Variants in TLN2 observed in about 807,000 individuals in gnomAD.
TLN2 encodes talin-2.
A neutral mutation model predicts 294.7 loss-of-function variants in TLN2; 118 were observed. The ratio of observed to expected loss-of-function variants is 0.40; its 90% CI spans 0.34 to 0.47. The LOEUF is 0.47. Among genes scored for constraint, TLN2 ranks in the 20% least tolerant of loss-of-function variants. TLN2 has a pLI of 0.84. For missense variants in TLN2, 3,083 were observed against 3,282.2 expected (o/e 0.94, Z 1.48); for synonymous variants, 1,431 against 1,304.5 (o/e 1.10, Z -2.09).
rs978800723 is a variant in TLN2, at chr15:62,708,373, C to T, written c.2173-129C>T. 12 of 884,068 alleles carry T rather than the reference C, an allele frequency of 1.4e-5. 1 individual carries two copies. The highest frequency in any genetic ancestry group is 6.7e-5 in the African/African-American group (4 of 59,930). 54.8% of individuals were successfully genotyped at this position (884,068 alleles called of 1,614,324 possible). The stretch of plus-strand genomic sequence containing the variant: ...TGAAATGGTCAGGTAAGTAAGAAAC[C>T]GAGCAGTGGTCCTGTAAGTAAGAAA... On this transcript the variant is annotated intron_variant, in intron 20 of 58. Transcript: ENST00000636159.
At chr15:62,605,517 C>T (rs181772522) in intron 2 of TLN2, among the ~76,000 whole-genome samples, 3 of 152,244 alleles carry the variant, frequency 2.0e-5, no homozygotes, top group African/African-American at 7.2e-5. Context: ...GCTGAGCTTC[C>T]AGTCTACTCC....
chr15:62,836,848 C>T (rs1249970796), intron 57 of TLN2, among the ~76,000 whole-genome samples: 1 of 152,148 alleles, frequency 6.6e-6, no homozygotes, highest in East Asian at 1.9e-4. Context: ...GTAATCATGG[C>T]GAGATACATT....
At chr15:62,576,918 C>T (rs2044470118) in intron 1 of TLN2, among the ~76,000 whole-genome samples, 2 of 151,984 alleles carry the variant, frequency 1.3e-5, no homozygotes, top group South Asian at 2.1e-4. Context: ...TCCTTATGTC[C>T]TGGTTTTAGC....
chr15:62,461,539 G>A (rs1318555566), intron 1 of TLN2, among the ~76,000 whole-genome samples: 3 of 152,224 alleles, frequency 2.0e-5, no homozygotes, highest in South Asian at 2.1e-4. Flanking sequence ...GTATTTAGAT[G>A]TGTTTGCTTT....
intron 1 of TLN2, among the ~76,000 whole-genome samples, chr15:62,491,367 C>CAA (rs2038714686): frequency 4.8e-5 from 6 of 124,246 alleles, no homozygotes; most frequent in Non-Finnish European, 9.8e-5. Context: ...CACACACACA[C>CAA]ACACACACAC....
chr15:62,479,151 C>G (rs993012008), intron 1 of TLN2, among the ~76,000 whole-genome samples: 1 of 152,196 alleles, frequency 6.6e-6, no homozygotes, highest in Non-Finnish European at 1.5e-5. Context: ...GTCTTTCCAT[C>G]TAGTCAAGCC....
At chr15:62,751,348 T>C (rs8031916) in intron 34 of TLN2, among the ~76,000 whole-genome samples, 93,937 of 152,098 alleles carry the variant, frequency 0.62, 29,974 homozygotes, top group Non-Finnish European at 0.7. Context: ...AGGACTCTGT[T>C]TGATTTGGGC....
At chr15:62,650,033 A>G (rs374634475) in intron 4 of TLN2, 51 bp from the exon 5 acceptor site, 6 of 1,582,302 alleles carry the variant, frequency 3.8e-6, no homozygotes, top group Non-Finnish European at 5.2e-6. Flanking sequence ...GAAGTCAGTG[A>G]TGGCTTCATC....
rs779893830 is a variant in TLN2 at position 62,719,858 on chromosome 15, T to C, written c.2969T>C (p.Ile990Thr). 1.9e-6 allele frequency: 3 copies of C among 1,610,838 alleles called. No individual in the cohort carries two copies. The highest frequency in any genetic ancestry group is 2.7e-5 in the African/African-American group (2 of 74,860). ...CTGAGTGCCCAGCTGGCTCTCATCA[T>C]CTCCAGCCAGAACTTCCTCCAGGTA... ...EDLSAQLALI[I>T]SSQNFLQPGS... The change falls in exon 25 of 59, where the codon ATC becomes ACC. Residue 990 changes from isoleucine (I) to threonine (T), a missense_variant. Ile to Thr is a moderately conservative substitution (Grantham distance 89, BLOSUM62 -1). Transcript: ENST00000636159.
In TLN2 at chr15:62,755,534, C is replaced by G; in HGVS notation, c.4479C>G (p.Val1493=). 2 of 1,614,066 alleles carry G rather than the reference C, an allele frequency of 1.2e-6. No individual in the cohort carries two copies. Among genetic ancestry groups the G allele is most frequent in the South Asian group, 2.2e-5 (2 of 91,038 alleles). The change falls in exon 37 of 59, where the codon GTC becomes GTG. Residue 1493 remains valine, a splice_region_variant and synonymous_variant. Transcript: ENST00000636159. Reference sequence around the variant, plus strand: ...CAACCTAGCTCCATGCTTTGTAGGTCCTGTCAGCCGCCACAATTGTTGCCA... The same window carrying G: ...CAACCTAGCTCCATGCTTTGTAGGTGCTGTCAGCCGCCACAATTGTTGCCA... ...LVDPGSSPSQ[V]LSAATIVAKH...
At chr15:62,713,303 C>T (rs925208349) in intron 22 of TLN2, among the ~76,000 whole-genome samples, 1 of 147,992 alleles carries the variant, frequency 6.8e-6, no homozygotes, top group Non-Finnish European at 1.5e-5. Flanking sequence ...AAAATAGATT[C>T]ATTAAGTGTC....
At chr15:62,623,815 T>C (rs963649316) in intron 3 of TLN2, among the ~76,000 whole-genome samples, 1 of 152,234 alleles carries the variant, frequency 6.6e-6, no homozygotes, top group African/African-American at 2.4e-5. Context: ...TCCGGTGAGA[T>C]AGCAAAATAT....
At chr15:62,499,329 A>T (rs879350928) in intron 1 of TLN2, among the ~76,000 whole-genome samples, 1 of 152,136 alleles carries the variant, frequency 6.6e-6, no homozygotes, top group Middle Eastern at 3.2e-3. Context: ...GCTCACCTGT[A>T]GTCCCAGCTA....
At chr15:62,424,605 C>A (rs1248170402) in intron 1 of TLN2, among the ~76,000 whole-genome samples, 2 of 152,324 alleles carry the variant, frequency 1.3e-5, no homozygotes, top group African/African-American at 4.8e-5. Context: ...CCATCGCACA[C>A]AAGTTGAACC....
intron 1 of TLN2, among the ~76,000 whole-genome samples, chr15:62,391,750 A>G (rs554007864): frequency 5.1e-4 from 77 of 152,306 alleles, no homozygotes; most frequent in Middle Eastern, 3.4e-3. Flanking sequence ...GGGCTTGGGA[A>G]CGAGAGCCGC....
rs756395223 is a variant in TLN2 at position 62,697,863 on chromosome 15, C to T, written c.1468C>T (p.Pro490Ser). 4 of 1,611,962 alleles carry T rather than the reference C, an allele frequency of 2.5e-6. No homozygotes were observed. Among genetic ancestry groups the T allele is most frequent in the Non-Finnish European group, 3.4e-6 (4 of 1,179,658 alleles). Residue 490 changes from proline (P) to serine (S), a missense_variant, in exon 15 of 59, where the codon CCA becomes TCA. By Grantham distance (74) the Pro-to-Ser change is moderately conservative. Transcript: ENST00000636159. ...VGQMHRGHMP[P>S]LTSAQQALMG... Reference sequence around the variant, plus strand: ...GCAGATGCACCGAGGCCACATGCCGCCACTGGTGAGGCTTCCTGTGCTCGT... The same window carrying T: ...GCAGATGCACCGAGGCCACATGCCGTCACTGGTGAGGCTTCCTGTGCTCGT...
intron 1 of TLN2, among the ~76,000 whole-genome samples, chr15:62,530,009 G>A (rs2040955781): frequency 6.6e-6 from 1 of 152,110 alleles, no homozygotes; most frequent in Non-Finnish European, 1.5e-5. Context: ...CTGACCAACT[G>A]GTGAAACCCC....
In TLN2 at chr15:62,840,844, A is replaced by T. The variant is rs1391939892; in HGVS notation, c.*234A>T. The T allele has an allele frequency of 2.0e-6, 1 of 509,088 alleles. No homozygotes were observed. The highest frequency in any genetic ancestry group is 3.4e-6 in the Non-Finnish European group (1 of 292,770). 31.5% of individuals were successfully genotyped at this position (509,088 alleles called of 1,614,324 possible). A position where few individuals can be genotyped will look rare whatever the true frequency, so the allele number is the denominator to read the frequency against. On this transcript the variant is annotated 3_prime_UTR_variant, in exon 59 of 59. Transcript: ENST00000636159. Reference sequence around the variant, plus strand: ...CCTCTGCCGCCTCCCCTCATGCCTCACCGTGTCTCAGGAGAGAGGGGTGCA... The same window carrying T: ...CCTCTGCCGCCTCCCCTCATGCCTCTCCGTGTCTCAGGAGAGAGGGGTGCA...
chr15:62,814,668 C>G (rs2141186890), intron 52 of TLN2, among the ~76,000 whole-genome samples: 1 of 152,182 alleles, frequency 6.6e-6, no homozygotes, highest in East Asian at 1.9e-4. Context: ...AGGCCGAAAA[C>G]AAGCCTCTTT....
Sources: gnomAD v4.1 joint callset for allele counts (sites outside exome capture counted in the v4.1 genomes callset) on GRCh38, gnomAD v4.1.1 for gene constraint, MANE v1.5 for transcripts, NCBI Gene and HGNC (gene_info 2026-07-23, HGNC 2026-07-21) for gene names.